Variants in ZNF366 observed in about 807,000 individuals in gnomAD.
The protein encoded by ZNF366 is dendritic cell-specific transcript protein.
ZNF366 carries 20 observed loss-of-function variants against 47.2 expected under a neutral mutation model. That is an observed-to-expected ratio of 0.42 (90% CI 0.30 to 0.62). The LOEUF (loss-of-function observed/expected upper bound fraction) is 0.62. Ranked by LOEUF, ZNF366 falls within the 20% of genes least tolerant of loss-of-function variation. The pLI, the probability that ZNF366 is intolerant of heterozygous loss-of-function variation, is 0.16. For missense variants in ZNF366, 987 were observed against 976.3 expected (o/e 1.01, Z -0.15); for synonymous variants, 421 against 395.1 (o/e 1.07, Z -0.78).
In ZNF366 at chr5:72,507,335, C is replaced by T. The variant is rs752839725; in HGVS notation, c.-99G>A. ...TCTGTCTCTCTCCCTCTCTCTCTCCCTCTTTCTCTTGTGTACAGATTGCAG... is the reference window on the plus strand; with the variant it reads ...TCTGTCTCTCTCCCTCTCTCTCTCCTTCTTTCTCTTGTGTACAGATTGCAG... On this transcript the variant is annotated 5_prime_UTR_variant, in exon 1 of 5. Transcript: ENST00000318442. The T allele has an allele frequency of 7.1e-6, 7 of 985,416 alleles. No individual in the cohort carries two copies. Among genetic ancestry groups the T allele is most frequent in the Non-Finnish European group, 8.4e-6 (7 of 830,024 alleles). The allele number at this position is 985,416 out of a possible 1,614,324, so 61.0% of individuals were successfully genotyped here. A position where few individuals can be genotyped will look rare whatever the true frequency, so the allele number is the denominator to read the frequency against.
At chr5:72,459,128 A>T (rs1277834111) in intron 2 of ZNF366, among the ~76,000 whole-genome samples, 1 of 152,018 alleles carries the variant, frequency 6.6e-6, no homozygotes, top group South Asian at 2.1e-4. Flanking sequence ...CACACATTTC[A>T]TCTCTGTGGC....
chr5:72,460,580 G>A lies in ZNF366; in HGVS notation c.917C>T (p.Thr306Met), dbSNP rs755041329. ...GCACACCTGGCACTTGTGGGGCCGC[G>A]TGCCCTGGTGGGTCAGCATGTGGGT... ...LHTHMLTHQG[T>M]RPHKCQVCHK... Residue 306 changes from threonine to methionine, a missense_variant, in exon 2 of 5, where the codon ACG becomes ATG. By Grantham distance (81) the Thr-to-Met change is moderately conservative. Coordinates refer to ENST00000318442, the MANE Select transcript of ZNF366 (RefSeq NM_152625.3). 6.2e-7 allele frequency: 1 copy of A among 1,614,106 alleles called. No individual in the cohort carries two copies. Among genetic ancestry groups the A allele is most frequent in the East Asian group, 2.2e-5 (1 of 44,878 alleles).
chr5:72,459,456 T>G (rs1743257472), intron 2 of ZNF366, among the ~76,000 whole-genome samples: 1 of 152,142 alleles, frequency 6.6e-6, no homozygotes, highest in Admixed American at 6.5e-5. Flanking sequence ...AGGGCTATGG[T>G]TGCAAACTGG....
At chr5:72,459,115 A>G (rs1561193121) in intron 2 of ZNF366, among the ~76,000 whole-genome samples, 1 of 152,240 alleles carries the variant, frequency 6.6e-6, no homozygotes, top group African/African-American at 2.4e-5. Flanking sequence ...CCCACAAGGC[A>G]GCCACACATT....
chr5:72,443,585 C>A lies in ZNF366; in HGVS notation c.*171G>T. 1.4e-6 allele frequency: 1 copy of A among 707,744 alleles called. No homozygotes were observed. Among genetic ancestry groups the A allele is most frequent in the Non-Finnish European group, 2.3e-6 (1 of 438,010 alleles). The allele number at this position is 707,744 out of a possible 1,614,324, so 43.8% of individuals were successfully genotyped here. On this transcript the variant is annotated 3_prime_UTR_variant, in exon 5 of 5. Transcript: ENST00000318442. ...CATGTGTGAAGGGTATCAAGGGCCC[C>A]GTGAATGACCTGAGAAGGCTTTCCA...
Position 72,460,508 on chromosome 5 carries a change from T to G in ZNF366, c.989A>C (p.Gln330Pro). Residue 330 changes from glutamine to proline, a missense_variant, in exon 2 of 5, where the codon CAG (glutamine) becomes CCG (proline). This residue lies in a region of ZNF366 where 591 missense variants were observed against 560.9 expected (regional missense o/e 1.05). Coordinates refer to ENST00000318442, the MANE Select transcript of ZNF366 (RefSeq NM_152625.3). ...QTSHLKRHMMQHSEVKPHNCR... is the reference protein window; with the variant it reads ...QTSHLKRHMMPHSEVKPHNCR... ...GTTGTGCGGCTTCACCTCGCTGTGC[T>G]GCATCATGTGGCGCTTCAGGTGGCT... 1.9e-6 allele frequency: 3 copies of G among 1,614,078 alleles called. No individual in the cohort carries two copies. Among genetic ancestry groups the G allele is most frequent in the Non-Finnish European group, 2.5e-6 (3 of 1,180,010 alleles).
At chr5:72,454,287 G>T (rs776727736) in intron 3 of ZNF366, among the ~76,000 whole-genome samples, 2 of 152,166 alleles carry the variant, frequency 1.3e-5, no homozygotes, top group Non-Finnish European at 2.9e-5. Flanking sequence ...CATCAAGCTG[G>T]GATTGCTCAT....
At chr5:72,503,688 T>C (rs1373008804) in intron 1 of ZNF366, among the ~76,000 whole-genome samples, 1 of 152,238 alleles carries the variant, frequency 6.6e-6, no homozygotes, top group Admixed American at 6.5e-5. Flanking sequence ...AACAGCAGTG[T>C]TCTGACTCCC....
rs114779394 is a variant in ZNF366, at chr5:72,506,373, C to T, written c.-15+878G>A. On this transcript the variant is annotated intron_variant, in intron 1 of 4. Transcript: ENST00000318442. The stretch of plus-strand genomic sequence containing the variant: ...GGTAACATTATCCTTTATGACTAAT[C>T]TAATTGAAGCAAGTTAGACTTTTAA... Among the ~76,000 whole-genome samples the T allele has an allele frequency of 7.3e-3, 1,113 of 152,304 alleles. 8 individuals are homozygous for T. Among genetic ancestry groups the T allele is most frequent in the Middle Eastern group, 0.051 (15 of 294 alleles).
At chr5:72,452,728 C>A (rs1743099681) in intron 3 of ZNF366, among the ~76,000 whole-genome samples, 1 of 152,234 alleles carries the variant, frequency 6.6e-6, no homozygotes. Flanking sequence ...CAGCTGCCGG[C>A]TTCACCCATC....
intron 2 of ZNF366, among the ~76,000 whole-genome samples, chr5:72,458,156 A>G (rs1360545799): frequency 6.6e-6 from 1 of 151,340 alleles, no homozygotes; most frequent in Non-Finnish European, 1.5e-5. Flanking sequence ...AGCTGGAACT[A>G]CAGGTACCCG....
intron 1 of ZNF366, among the ~76,000 whole-genome samples, chr5:72,470,603 G>A: frequency 6.6e-6 from 1 of 152,148 alleles, no homozygotes; most frequent in East Asian, 1.9e-4. Context: ...AAACTTGCCT[G>A]GTGCCTCATA....
At position 72,444,087 on chromosome 5, in the gene ZNF366, A is replaced by C. The variant is rs778329115; in HGVS notation, c.1904T>G (p.Leu635Arg). ...GCAGAGCTGCTGGCTCTGGGGGGCCAGGCCAGGGCTGTAGGGCTCCACCTC... is the reference window on the plus strand; with the variant it reads ...GCAGAGCTGCTGGCTCTGGGGGGCCCGGCCAGGGCTGTAGGGCTCCACCTC... ...CYEVEPYSPG[L>R]APQSQQLCTP... Residue 635 changes from leucine to arginine, a missense_variant, in exon 5 of 5, where the codon CTG becomes CGG. Leu to Arg is a moderately radical substitution (Grantham distance 102). Coordinates refer to ENST00000318442, the MANE Select transcript of ZNF366 (RefSeq NM_152625.3). The C allele has an allele frequency of 6.2e-7, 1 of 1,614,094 alleles. No individual in the cohort carries two copies. Among genetic ancestry groups the C allele is most frequent in the South Asian group, 1.1e-5 (1 of 91,084 alleles).
intron 1 of ZNF366, among the ~76,000 whole-genome samples, chr5:72,495,809 G>A (rs539548528): frequency 6.6e-6 from 1 of 152,064 alleles, no homozygotes; most frequent in South Asian, 2.1e-4. Flanking sequence ...AGCTGGTATG[G>A]CTGACCTGGG....
At position 72,456,485 on chromosome 5, in the gene ZNF366, G is replaced by A. The variant is rs1561192240; in HGVS notation, c.1443C>T (p.Leu481=). The A allele has an allele frequency of 6.2e-7, 1 of 1,614,086 alleles. No homozygotes were observed. The highest frequency in any genetic ancestry group is 2.2e-5 in the East Asian group (1 of 44,890). ...GCTTCTGCACGAAGCTCTTGTAGCA[G>A]AGGTGACACTGGTAGGCGCGGATGT... The part of the protein sequence containing the change: ...HTNIRAYQCH[L]CYKSFVQKQT... Residue 481 remains leucine, a synonymous_variant, in exon 3 of 5, where the codon CTC becomes CTT. Transcript: ENST00000318442.
intron 3 of ZNF366, among the ~76,000 whole-genome samples, chr5:72,455,926 C>A (rs12655559): frequency 6.6e-6 from 1 of 152,128 alleles, no homozygotes; most frequent in East Asian, 1.9e-4. Flanking sequence ...ATGGCTCAGC[C>A]CAAGTGTCAA....
At chr5:72,484,073 G>A (rs1279701118) in intron 1 of ZNF366, among the ~76,000 whole-genome samples, 1 of 152,124 alleles carries the variant, frequency 6.6e-6, no homozygotes, top group Non-Finnish European at 1.5e-5. Flanking sequence ...GGATGCTTTT[G>A]AAACAGATCC....
intron 1 of ZNF366, among the ~76,000 whole-genome samples, chr5:72,466,301 A>G (rs1743426325): frequency 6.6e-6 from 1 of 152,204 alleles, no homozygotes; most frequent in Non-Finnish European, 1.5e-5. Flanking sequence ...TGTTTTTGCT[A>G]TTACGGAGAT....
chr5:72,458,078 G>A (rs1002029330), intron 2 of ZNF366, among the ~76,000 whole-genome samples: 10 of 142,632 alleles, frequency 7.0e-5, no homozygotes, highest in South Asian at 2.2e-4. Flanking sequence ...GTGCAGTGGC[G>A]TGGTCTCGGC....
Sources: gnomAD v4.1 joint callset for allele counts (sites outside exome capture counted in the v4.1 genomes callset) on GRCh38, gnomAD v4.1.1 for gene constraint, gnomAD v4.1.1 regional missense constraint, MANE v1.5 for transcripts, NCBI Gene and HGNC (gene_info 2026-07-23, HGNC 2026-07-21) for gene names.